STX1B: variants seen among roughly 807,000 people sequenced by gnomAD.
STX1B encodes the protein syntaxin 1B.
A neutral mutation model predicts 39.4 loss-of-function variants in STX1B; 7 were observed. That is an observed-to-expected ratio of 0.18 (90% CI 0.10 to 0.33). The LOEUF (loss-of-function observed/expected upper bound fraction) is 0.33, where lower values mean the gene tolerates loss of function less well. Among genes scored for constraint, STX1B ranks in the 10% least tolerant of loss-of-function variants. The probability of loss-of-function intolerance (pLI) is 1.00; values close to 1 mark genes in which losing one functional copy is unlikely to be tolerated. For missense variants in STX1B, 198 were observed against 383.2 expected (o/e 0.52, Z 4.04); for synonymous variants, 136 against 144.1 (o/e 0.94, Z 0.40).
Position 30,992,739 on chromosome 16 carries a change from G to A in STX1B, c.*82C>T, listed in dbSNP as rs1281796189. ...TGTTTTGGGAGTGAGCCTGGAGCAG[G>A]GGATGGAGTGAAAGGGGTGGTGGGG... On this transcript the variant is annotated 3_prime_UTR_variant, in exon 10 of 10. Coordinates refer to ENST00000215095, the MANE Select transcript of STX1B (RefSeq NM_052874.5). 4 of 852,680 alleles carry A rather than the reference G, an allele frequency of 4.7e-6. No individual in the cohort carries two copies. Among genetic ancestry groups the A allele is most frequent in the Non-Finnish European group, 1.9e-6 (1 of 517,846 alleles). The allele number at this position is 852,680 out of a possible 1,614,324, so 52.8% of individuals were successfully genotyped here. A position where few individuals can be genotyped will look rare whatever the true frequency, so the allele number is the denominator to read the frequency against.
chr16:31,010,284 C>A, intron 1 of STX1B, 83 bp downstream of exon 1: 1 of 1,095,688 alleles, frequency 9.1e-7, no homozygotes, highest in Admixed American at 2.9e-5. Context: ...GCCCCCACGT[C>A]CCAGCACCTC....
At chr16:30,992,936 T>TGAGAGAG in intron 9 of STX1B, 35 bp from the exon 10 acceptor site, 1 of 1,572,316 alleles carries the variant, frequency 6.4e-7, no homozygotes, top group South Asian at 1.1e-5. Flanking sequence ...AGGCAGACAG[T>TGAGAGAG]GAGAGAGATC....
At chr16:31,000,683 G>A (rs2056622050) in intron 4 of STX1B, among the ~76,000 whole-genome samples, 1 of 152,034 alleles carries the variant, frequency 6.6e-6, no homozygotes, top group South Asian at 2.1e-4. Context: ...GTAGAGATGG[G>A]GTTTCACCAT....
chr16:30,993,271 G>A (rs781006743), intron 8 of STX1B, 31 bp from the exon 9 acceptor site: 11 of 1,613,694 alleles, frequency 6.8e-6, no homozygotes, highest in Non-Finnish European at 9.3e-6. Flanking sequence ...CACAGGGAGG[G>A]ATGGGGGCTG....
At chr16:31,005,336 T>C (rs576343350) in intron 1 of STX1B, among the ~76,000 whole-genome samples, 1 of 152,320 alleles carries the variant, frequency 6.6e-6, no homozygotes, top group East Asian at 1.9e-4. Context: ...TACTTTATGG[T>C]GGCCTCAGGT....
intron 5 of STX1B, 102 bp downstream of exon 5, chr16:30,997,400 A>G (rs2056600787): frequency 1.3e-6 from 1 of 788,766 alleles, no homozygotes; most frequent in Non-Finnish European, 2.0e-6. Flanking sequence ...GCCCTCCCTG[A>G]CCACGCCCCC....
chr16:31,010,154 T>A (rs909637468), intron 1 of STX1B, among the ~76,000 whole-genome samples: 1 of 152,060 alleles, frequency 6.6e-6, no homozygotes, highest in Non-Finnish European at 1.5e-5. Flanking sequence ...TGCCCCCTTG[T>A]GTCTTCATGG....
At chr16:31,006,992 T>A (rs1362011384) in intron 1 of STX1B, among the ~76,000 whole-genome samples, 5 of 152,084 alleles carry the variant, frequency 3.3e-5, no homozygotes, top group African/African-American at 1.2e-4. Context: ...GCATCTGTAA[T>A]CCCAGCTACT....
At chr16:30,994,686 C>T (rs2056582560) in intron 7 of STX1B, among the ~76,000 whole-genome samples, 1 of 151,928 alleles carries the variant, frequency 6.6e-6, no homozygotes, top group Non-Finnish European at 1.5e-5. Context: ...AGGTGACTCA[C>T]TTCCCAAATT....
In STX1B at chr16:31,001,394, G is replaced by A. The variant is rs1482999404; in HGVS notation, c.105+135C>T. The A allele has an allele frequency of 4.8e-6, 4 of 837,956 alleles. No individual in the cohort carries two copies. The East Asian group carries it at 1.1e-4, about 22-fold the overall frequency. The allele number at this position is 837,956 out of a possible 1,614,324, so 51.9% of individuals were successfully genotyped here. A position where few individuals can be genotyped will look rare whatever the true frequency, so the allele number is the denominator to read the frequency against. On this transcript the variant is annotated intron_variant, in intron 2 of 9. Coordinates refer to ENST00000215095, the MANE Select transcript of STX1B (RefSeq NM_052874.5). This position sits in a 1 kb window ranked among gnomAD's most constrained non-coding sequence, Gnocchi z 5.5. ...GGCTGGGTGCCGGGGCTGCGGCTGG[G>A]CGGTGGGACTAGGGGCTGGGGCTGG...
intron 1 of STX1B, among the ~76,000 whole-genome samples, chr16:31,006,827 A>G (rs1008973954): frequency 6.6e-6 from 1 of 152,222 alleles, no homozygotes; most frequent in African/African-American, 2.4e-5. Flanking sequence ...AAAGAAGCCC[A>G]GTGCCAGCCG....
chr16:30,997,126 G>T lies in STX1B; in HGVS notation c.355-67C>A, dbSNP rs2056598249. On this transcript the variant is annotated intron_variant, in intron 5 of 9. Transcript: ENST00000215095. Reference sequence around the variant, plus strand: ...CAGGGATCAGGGAGGGAGTCAGGGAGCAGAGACCGAGGCAGGTGAGGAGGC... The same window carrying T: ...CAGGGATCAGGGAGGGAGTCAGGGATCAGAGACCGAGGCAGGTGAGGAGGC... 2.7e-6 allele frequency: 3 copies of T among 1,123,732 alleles called. No homozygotes were observed. In the Admixed American group the frequency reaches 5.5e-5, roughly 21 times the overall value. The allele number at this position is 1,123,732 out of a possible 1,614,324, so 69.6% of individuals were successfully genotyped here. A position where few individuals can be genotyped will look rare whatever the true frequency, so the allele number is the denominator to read the frequency against.
At chr16:31,000,542 T>C (rs2143676447) in intron 4 of STX1B, among the ~76,000 whole-genome samples, 1 of 150,650 alleles carries the variant, frequency 6.6e-6, no homozygotes, top group African/African-American at 2.4e-5. Flanking sequence ...ACCCAGACTG[T>C]AGTGCAGTGG....
chr16:31,002,787 A>G (rs1368559740), intron 1 of STX1B, among the ~76,000 whole-genome samples: 1 of 152,192 alleles, frequency 6.6e-6, no homozygotes, highest in Non-Finnish European at 1.5e-5. Context: ...CTGATTTCCA[A>G]AAAGAACCCA....
At position 31,001,538 on chromosome 16, in the gene STX1B, G is replaced by A. The variant is rs758734411; in HGVS notation, c.96C>T (p.Phe32=). Residue 32 remains phenylalanine (F), a synonymous_variant, in exon 2 of 10, where the codon TTC becomes TTT. Coordinates refer to ENST00000215095, the MANE Select transcript of STX1B (RefSeq NM_052874.5). The surrounding 1 kb of genome is among the most constrained non-coding windows in gnomAD (Gnocchi z 5.5). The part of the protein sequence containing the change: ...HVDRDHFMDE[F]FEQVEEIRGC... ...CTTGGAGGCCCATTACCTGTTCAAA[G>A]AACTCATCCATGAAGTGGTCCCGAT... The A allele has an allele frequency of 4.0e-5, 64 of 1,611,446 alleles. 1 individual carries two copies. In the South Asian group the frequency reaches 6.5e-4, roughly 16 times the overall value.
chr16:31,010,000 G>T (rs1362877329), intron 1 of STX1B, among the ~76,000 whole-genome samples: 1 of 151,914 alleles, frequency 6.6e-6, no homozygotes, highest in African/African-American at 2.4e-5. Context: ...CCCAGTCACC[G>T]CCCCCATGCT....
intron 9 of STX1B, 101 bp from the exon 10 acceptor site, chr16:30,993,002 G>C: frequency 7.6e-7 from 1 of 1,321,296 alleles, no homozygotes; most frequent in South Asian, 1.2e-5. Flanking sequence ...GAGAAGAGGG[G>C]AGAGAAAACA....
intron 4 of STX1B, 46 bp from the exon 5 acceptor site, chr16:30,997,621 TG>T (rs1266181676): frequency 1.8e-5 from 28 of 1,552,558 alleles, no homozygotes; most frequent in Non-Finnish European, 2.5e-5. Context: ...CCGGGGCACA[TG>T]GGGCGAGGGT....
rs1411198664 is a variant in STX1B, at chr16:30,989,348, G to A, written c.*3473C>T. 1.3e-5 allele frequency: 2 copies of A among 152,188 alleles called. No individual in the cohort carries two copies. The highest frequency in any genetic ancestry group is 2.1e-4 in the South Asian group (1 of 4,810). The allele number at this position is 152,188 out of a possible 1,614,324, so 9.4% of individuals were successfully genotyped here. On this transcript the variant is annotated 3_prime_UTR_variant, in exon 10 of 10. Transcript: ENST00000215095. The stretch of plus-strand genomic sequence containing the variant: ...GGGCTCTGGGGACAGGACATGCAGG[G>A]AGGAAGGGGGGGGCAGGATTTTCCT...
Sources: allele counts gnomAD v4.1 joint callset (sites outside exome capture counted in the v4.1 genomes callset), GRCh38; gene constraint gnomAD v4.1.1; non-coding constraint Gnocchi (gnomAD v3.1); transcripts MANE v1.5; gene names NCBI Gene and HGNC (gene_info 2026-07-23, HGNC 2026-07-21).